PXDNL: variants seen among roughly 807,000 people sequenced by gnomAD.
PXDNL encodes probable oxidoreductase PXDNL.
Under a neutral mutation model 150.8 loss-of-function variants are expected in PXDNL, and 145 were observed. The observed-to-expected ratio is 0.96, with a 90% CI of 0.84 to 1.10. The LOEUF (loss-of-function observed/expected upper bound fraction) is 1.10. Among genes scored for constraint, PXDNL ranks in the 50% least tolerant of loss-of-function variants. The pLI is 0.00. For missense variants in PXDNL, 2,087 were observed against 1,873.9 expected (o/e 1.11, Z -2.10); for synonymous variants, 757 against 725.7 (o/e 1.04, Z -0.69).
chr8:51,609,989 T>G (rs1200446603), intron 2 of PXDNL, among the ~76,000 whole-genome samples: 2 of 151,676 alleles, frequency 1.3e-5, no homozygotes, highest in Non-Finnish European at 2.9e-5. Context: ...GGAGATCAAG[T>G]TGCAAGGTCA....
chr8:51,392,165 G>A (rs1003160775), intron 17 of PXDNL, among the ~76,000 whole-genome samples: 6 of 152,188 alleles, frequency 3.9e-5, no homozygotes, highest in African/African-American at 1.4e-4. Context: ...TTTGAAGTCA[G>A]GTAGTGTGAT....
At chr8:51,440,310 C>A (rs1809511421) in intron 12 of PXDNL, among the ~76,000 whole-genome samples, 1 of 151,990 alleles carries the variant, frequency 6.6e-6, no homozygotes, top group African/African-American at 2.4e-5. Flanking sequence ...GGATGAAAGA[C>A]TACACATTGG....
intron 6 of PXDNL, among the ~76,000 whole-genome samples, chr8:51,475,585 A>G (rs1202959787): frequency 6.6e-6 from 1 of 152,122 alleles, no homozygotes; most frequent in Non-Finnish European, 1.5e-5. Context: ...GCATTCTAGC[A>G]AGGCTCCCTC....
intron 1 of PXDNL, among the ~76,000 whole-genome samples, chr8:51,696,531 A>G (rs1346243364): frequency 6.6e-6 from 1 of 152,156 alleles, no homozygotes; most frequent in Non-Finnish European, 1.5e-5. Flanking sequence ...AACTGGGAGG[A>G]TCTTCTGGGC....
intron 4 of PXDNL, among the ~76,000 whole-genome samples, chr8:51,549,510 G>A (rs1401328304): frequency 2.0e-5 from 3 of 152,020 alleles, no homozygotes; most frequent in African/African-American, 7.2e-5. Context: ...AATAAAATTG[G>A]AAATTCACTC....
At chr8:51,589,172 C>G (rs1813386982) in intron 3 of PXDNL, among the ~76,000 whole-genome samples, 1 of 152,184 alleles carries the variant, frequency 6.6e-6, no homozygotes, top group Non-Finnish European at 1.5e-5. Flanking sequence ...AGTCTTGGAG[C>G]TCCCAGCCTC....
At chr8:51,645,936 C>T (rs9650178) in intron 2 of PXDNL, among the ~76,000 whole-genome samples, 102,167 of 151,658 alleles carry the variant, frequency 0.67, 35,097 homozygotes, top group Non-Finnish European at 0.74. Context: ...GAAAGTGCTG[C>T]GTGCTGAGCT....
chr8:51,441,464 T>A (rs1355381867), intron 12 of PXDNL, among the ~76,000 whole-genome samples: 4 of 152,102 alleles, frequency 2.6e-5, no homozygotes, highest in African/African-American at 7.2e-5. Context: ...GTGGACTTGA[T>A]GACATGGTAG....
At chr8:51,673,075 C>G (rs1182393204) in intron 1 of PXDNL, among the ~76,000 whole-genome samples, 1 of 152,116 alleles carries the variant, frequency 6.6e-6, no homozygotes, top group Non-Finnish European at 1.5e-5. Flanking sequence ...AATACGCACA[C>G]ACATTCTTCA....
rs754983145 is a variant in PXDNL, at chr8:51,320,684, A to G, written c.4260+100T>C. 95 of 849,316 alleles carry G rather than the reference A, an allele frequency of 1.1e-4. 1 individual carries two copies. Among genetic ancestry groups the G allele is most frequent in the Non-Finnish European group, 1.8e-4 (94 of 519,230 alleles). 52.6% of individuals were successfully genotyped at this position (849,316 alleles called of 1,614,324 possible). A position where few individuals can be genotyped will look rare whatever the true frequency, so the allele number is the denominator to read the frequency against. ...AAAAATATGCCTAGAATCTATTGAC[A>G]TAAAATATATTTTTTCTCCTTTTGA... On this transcript the variant is annotated intron_variant, in intron 22 of 22. Coordinates refer to ENST00000356297, the MANE Select transcript of PXDNL (RefSeq NM_144651.5).
At chr8:51,471,296 G>A (rs1448767275) in intron 8 of PXDNL, among the ~76,000 whole-genome samples, 5 of 152,044 alleles carry the variant, frequency 3.3e-5, no homozygotes, top group African/African-American at 1.2e-4. Context: ...ACCATCTCAC[G>A]CCAGTTAGAA....
intron 4 of PXDNL, among the ~76,000 whole-genome samples, chr8:51,537,244 G>T (rs1812098759): frequency 6.6e-6 from 1 of 152,104 alleles, no homozygotes; most frequent in African/African-American, 2.4e-5. Context: ...ATGTGGGCAG[G>T]CAGTGCCCAG....
At chr8:51,719,515 G>A (rs1816685268) in intron 1 of PXDNL, among the ~76,000 whole-genome samples, 1 of 152,110 alleles carries the variant, frequency 6.6e-6, no homozygotes, top group Admixed American at 6.5e-5. Context: ...GAAGGCCGCA[G>A]GGTCCCCTGC....
chr8:51,711,882 A>C (rs1032540914), intron 1 of PXDNL, among the ~76,000 whole-genome samples: 6 of 152,212 alleles, frequency 3.9e-5, no homozygotes, highest in African/African-American at 1.2e-4. Context: ...ATTGTTACTG[A>C]AACACCAGGG....
intron 1 of PXDNL, among the ~76,000 whole-genome samples, chr8:51,680,735 C>T (rs1443676943): frequency 6.6e-6 from 1 of 152,140 alleles, no homozygotes; most frequent in African/African-American, 2.4e-5. Flanking sequence ...GACTACTGCT[C>T]GCTCGCTGTG....
intron 17 of PXDNL, among the ~76,000 whole-genome samples, chr8:51,402,770 G>T (rs1249014743): frequency 6.6e-6 from 1 of 151,994 alleles, no homozygotes; most frequent in Non-Finnish European, 1.5e-5. Flanking sequence ...ACAATAAAAA[G>T]AAACAGAGTG....
At chr8:51,330,152 C>A (rs1316914676) in intron 21 of PXDNL, among the ~76,000 whole-genome samples, 1 of 152,188 alleles carries the variant, frequency 6.6e-6, no homozygotes, top group East Asian at 1.9e-4. Context: ...TCCACCAATT[C>A]AAATGCTAAT....
At chr8:51,357,602 A>G (rs1421387340) in intron 19 of PXDNL, among the ~76,000 whole-genome samples, 3 of 152,228 alleles carry the variant, frequency 2.0e-5, no homozygotes, top group Admixed American at 2.0e-4. Context: ...CACACACAAT[A>G]GAGAGTATAA....
At chr8:51,457,347 A>G in intron 9 of PXDNL, 151 bp downstream of exon 9, 1 of 632,230 alleles carries the variant, frequency 1.6e-6, no homozygotes, top group South Asian at 2.7e-5. Flanking sequence ...AAACTTCAAG[A>G]GAAAAAAATT....
Sources: allele counts gnomAD v4.1 joint callset (sites outside exome capture counted in the v4.1 genomes callset), GRCh38; gene constraint gnomAD v4.1.1; transcripts MANE v1.5; gene names NCBI Gene and HGNC (gene_info 2026-07-23, HGNC 2026-07-21).